ZNRF1: variants seen among roughly 807,000 people sequenced by gnomAD.
ZNRF1 encodes zinc and ring finger 1, also known as E3 ubiquitin-protein ligase ZNRF1.
In ZNRF1, 3 loss-of-function variants were observed where a neutral mutation model predicts 18.4. That is an observed-to-expected ratio of 0.16 (90% CI 0.07 to 0.42). The LOEUF is 0.42. Among genes scored for constraint, ZNRF1 ranks in the 10% least tolerant of loss-of-function variants. The pLI is 0.99. For missense variants in ZNRF1, 310 were observed against 329.8 expected, an observed-to-expected ratio of 0.94 and a Z score of 0.47; for synonymous variants, 157 against 144.2, an observed-to-expected ratio of 1.09 and a Z score of -0.64.
rs1171479218 is a variant in ZNRF1, at chr16:75,106,494, G to A, written c.639G>A (p.Ser213=). 13 of 1,613,986 alleles carry A rather than the reference G, an allele frequency of 8.1e-6. No individual in the cohort carries two copies. The highest frequency in any genetic ancestry group is 2.2e-5 in the East Asian group (1 of 44,882). ...CCCCTCCTCCCAGCTGCATAGACTC[G>A]TGGTTTGAAGTGAACAGATCTTGTC... ...LCIYHKSCID[S]WFEVNRSCPE... The change falls in exon 4 of 5, where the codon TCG becomes TCA. Residue 213 remains serine (S), a synonymous_variant. Coordinates refer to ENST00000335325, the MANE Select transcript of ZNRF1 (RefSeq NM_032268.5).
rs151259287 is a variant in ZNRF1, at chr16:75,008,230, C to T, written c.424+8135C>T. Among the ~76,000 whole-genome samples, 24 of 152,212 alleles carry T rather than the reference C, an allele frequency of 1.6e-4. 1 individual carries two copies. Among genetic ancestry groups the T allele is most frequent in the Admixed American group, 1.2e-3 (18 of 15,266 alleles). ...TATTTGCTAAGCAATCTCTACAGCTCGCAGAAGGTAGGTTCAACCAGGAAC... is the reference window on the plus strand; with the variant it reads ...TATTTGCTAAGCAATCTCTACAGCTTGCAGAAGGTAGGTTCAACCAGGAAC... On this transcript the variant is annotated intron_variant, in intron 1 of 4. Coordinates refer to ENST00000335325, the MANE Select transcript of ZNRF1 (RefSeq NM_032268.5).
rs556516184 is a variant in ZNRF1, at chr16:75,013,469, C to T, written c.424+13374C>T. On this transcript the variant is annotated intron_variant, in intron 1 of 4. Coordinates refer to ENST00000335325, the MANE Select transcript of ZNRF1 (RefSeq NM_032268.5). ...TCAAGCGATTCTTCTGCCTCAGCCT[C>T]CCGAGTAGCTGGGACTGCAGGTGCA... is the stretch of plus-strand genomic sequence containing the variant. Among the ~76,000 whole-genome samples, 10 of 152,150 alleles carry T rather than the reference C, an allele frequency of 6.6e-5. No homozygotes were observed. In the East Asian group the frequency reaches 1.2e-3, roughly 18 times the overall value.
chr16:75,018,044 A>G (rs955814864), intron 1 of ZNRF1, among the ~76,000 whole-genome samples: 1 of 152,246 alleles, frequency 6.6e-6, no homozygotes. Context: ...GAAGCTAACA[A>G]TAATAACAGT....
chr16:75,009,357 T>C (rs1458736240), intron 1 of ZNRF1, among the ~76,000 whole-genome samples: 1 of 152,246 alleles, frequency 6.6e-6, no homozygotes, highest in East Asian at 1.9e-4. Flanking sequence ...TTCTAAGTAC[T>C]GCATGTAAGT....
chr16:75,107,441 A>G (rs941330855), intron 4 of ZNRF1: 7 of 252,420 alleles, frequency 2.8e-5, no homozygotes, highest in African/African-American at 9.4e-5. Flanking sequence ...ATTTATTCCA[A>G]GTAAACTCCC....
chr16:75,006,188 A>G (rs539868416), intron 1 of ZNRF1, among the ~76,000 whole-genome samples: 2 of 152,302 alleles, frequency 1.3e-5, no homozygotes, highest in Admixed American at 6.5e-5. Flanking sequence ...AACTGAAACT[A>G]TGGAAAGTGA....
intron 1 of ZNRF1, among the ~76,000 whole-genome samples, chr16:75,052,982 A>G (rs951168623): frequency 3.9e-5 from 6 of 152,314 alleles, no homozygotes; most frequent in East Asian, 1.9e-4. Context: ...TGGGGACATG[A>G]TGTGAATCGG....
intron 1 of ZNRF1, among the ~76,000 whole-genome samples, chr16:75,079,311 C>T (rs2035981603): frequency 6.6e-6 from 1 of 152,126 alleles, no homozygotes; most frequent in Non-Finnish European, 1.5e-5. Context: ...GAAACCCCGT[C>T]TCTACTAAAA....
At chr16:75,041,438 T>C (rs1672216022) in intron 1 of ZNRF1, among the ~76,000 whole-genome samples, 1 of 152,122 alleles carries the variant, frequency 6.6e-6, no homozygotes, top group South Asian at 2.1e-4. Flanking sequence ...CAAGTGATTC[T>C]CCCACTTCAG....
chr16:75,043,556 T>TA (rs1225817377), intron 1 of ZNRF1, among the ~76,000 whole-genome samples: 1 of 152,074 alleles, frequency 6.6e-6, no homozygotes, highest in East Asian at 1.9e-4. Context: ...CATTTAACTA[T>TA]AATATATGCA....
intron 1 of ZNRF1, among the ~76,000 whole-genome samples, chr16:75,074,393 T>A (rs1482513881): frequency 6.6e-6 from 1 of 152,224 alleles, no homozygotes; most frequent in East Asian, 1.9e-4. Flanking sequence ...GGCACAGTGC[T>A]GCATAAGTTG....
At chr16:75,082,988 G>A (rs184010934) in intron 1 of ZNRF1, among the ~76,000 whole-genome samples, 1 of 152,314 alleles carries the variant, frequency 6.6e-6, no homozygotes, top group Non-Finnish European at 1.5e-5. Context: ...AAATCGAGAT[G>A]TGCTATATAA....
chr16:75,036,830 G>T (rs1430364015), intron 1 of ZNRF1, among the ~76,000 whole-genome samples: 6 of 152,164 alleles, frequency 3.9e-5, no homozygotes, highest in Admixed American at 3.3e-4. Context: ...CGGCCACTCT[G>T]AATTGAGCCA....
chr16:75,004,323 G>C (rs1018458994), intron 1 of ZNRF1, among the ~76,000 whole-genome samples: 5 of 152,166 alleles, frequency 3.3e-5, no homozygotes. Context: ...TATAACTCCT[G>C]ATGGCTGCCT....
intron 1 of ZNRF1, among the ~76,000 whole-genome samples, chr16:75,077,154 A>G (rs922028266): frequency 1.5e-4 from 23 of 152,150 alleles, no homozygotes; most frequent in Admixed American, 5.2e-4. Context: ...GCACTTTGGG[A>G]GGCCAAGGTG....
intron 1 of ZNRF1, among the ~76,000 whole-genome samples, chr16:75,001,631 A>G (rs1220158243): frequency 6.6e-6 from 1 of 152,202 alleles, no homozygotes; most frequent in Non-Finnish European, 1.5e-5. Flanking sequence ...TTTGGTGTTT[A>G]AAAGAACTGT....
chr16:75,093,443 G>T, intron 1 of ZNRF1, 129 bp from the exon 2 acceptor site: 1 of 677,614 alleles, frequency 1.5e-6, no homozygotes, highest in Non-Finnish European at 2.6e-6. Context: ...GACAGGTCCA[G>T]GGTCTGTTCT....
At chr16:75,036,260 A>G (rs1006333797) in intron 1 of ZNRF1, among the ~76,000 whole-genome samples, 3 of 152,142 alleles carry the variant, frequency 2.0e-5, no homozygotes, top group Admixed American at 6.5e-5. Flanking sequence ...TTTCGTAGAG[A>G]TGAGCTCTCC....
intron 1 of ZNRF1, among the ~76,000 whole-genome samples, chr16:75,061,508 CGT>C (rs2035743592): frequency 8.3e-6 from 1 of 119,788 alleles, no homozygotes; most frequent in African/African-American, 2.9e-5. Context: ...ATGGGTGAAT[CGT>C]ACTTCATAGT....
Sources: gnomAD v4.1 joint callset for allele counts (sites outside exome capture counted in the v4.1 genomes callset) on GRCh38, gnomAD v4.1.1 for gene constraint, MANE v1.5 for transcripts, NCBI Gene and HGNC (gene_info 2026-07-23, HGNC 2026-07-21) for gene names.